Variants in ABCC11 observed in about 807,000 individuals in gnomAD.
ABCC11 encodes ATP-binding cassette sub-family C member 11.
ABCC11 carries 135 observed loss-of-function variants against 149.3 expected under a neutral mutation model. That is an observed-to-expected ratio of 0.90 (90% CI 0.79 to 1.04). ABCC11 has a LOEUF of 1.04. Among genes scored for constraint, ABCC11 ranks in the 50% least tolerant of loss-of-function variants. ABCC11 has a pLI of 0.00. For synonymous variants in ABCC11, 665 were observed against 671.4 expected, an observed-to-expected ratio of 0.99 and a Z score of 0.15; for missense variants, 1,680 against 1,722.1, an observed-to-expected ratio of 0.98 and a Z score of 0.43.
At chr16:48,244,201 A>T in intron 1 of ABCC11, 1 of 512,180 alleles carries the variant, frequency 2.0e-6, no homozygotes, top group South Asian at 2.8e-5. Flanking sequence ...AGGACGCTCA[A>T]GTCTTACCGG....
intron 23 of ABCC11, among the ~76,000 whole-genome samples, chr16:48,182,735 A>G (rs1388927960): frequency 6.6e-6 from 1 of 151,040 alleles, no homozygotes; most frequent in Non-Finnish European, 1.5e-5. Flanking sequence ...GTGAGCCGAG[A>G]TCGCATCACT....
At chr16:48,193,475 G>T (rs1340586804) in intron 19 of ABCC11, among the ~76,000 whole-genome samples, 1 of 152,178 alleles carries the variant, frequency 6.6e-6, no homozygotes, top group Non-Finnish European at 1.5e-5. Context: ...ATGTGGGTGG[G>T]GAGATTAGTG....
chr16:48,233,906 C>T (rs1017476468), intron 1 of ABCC11, among the ~76,000 whole-genome samples: 5 of 152,256 alleles, frequency 3.3e-5, no homozygotes, highest in African/African-American at 1.2e-4. Context: ...TGAATCTTCA[C>T]TCATTTGCCA....
At chr16:48,216,828 A>G (rs1028925557) in intron 6 of ABCC11, among the ~76,000 whole-genome samples, 12 of 152,210 alleles carry the variant, frequency 7.9e-5, no homozygotes, top group African/African-American at 1.4e-4. Flanking sequence ...CTAACGTCAC[A>G]GCCTAAATTT....
At chr16:48,236,581 C>T (rs751142004) in intron 1 of ABCC11, among the ~76,000 whole-genome samples, 5 of 152,146 alleles carry the variant, frequency 3.3e-5, no homozygotes, top group Non-Finnish European at 5.9e-5. Context: ...ATAGTATATG[C>T]ATAACAAATA....
At position 48,167,281 on chromosome 16, in the gene ABCC11, A is replaced by G. The variant is rs369916527; in HGVS notation, c.4142T>C (p.Leu1381Pro). 2 of 813,890 alleles carry G rather than the reference A, an allele frequency of 2.5e-6. No homozygotes were observed. Among genetic ancestry groups the G allele is most frequent in the African/African-American group, 3.4e-5 (2 of 59,656 alleles). The allele number at this position is 813,890 out of a possible 1,614,324, so 50.4% of individuals were successfully genotyped here. A position where few individuals can be genotyped will look rare whatever the true frequency, so the allele number is the denominator to read the frequency against. ...TGAAGTCTCCACATCTCCTTATCTC[A>G]GTGAAGAAGTGGCTGTGGCCATGAG... ...AALMATATSS[L>P]R Residue 1381 changes from leucine (L) to proline (P), a missense_variant, in exon 30 of 30, where the codon CTG (leucine) becomes CCG (proline). Coordinates refer to ENST00000356608, the MANE Select transcript of ABCC11 (RefSeq NM_001370497.1).
intron 12 of ABCC11, 58 bp from the exon 13 acceptor site, chr16:48,205,595 G>A (rs1404583632): frequency 6.3e-7 from 1 of 1,588,994 alleles, no homozygotes; most frequent in African/African-American, 1.3e-5. Flanking sequence ...GAGCCTGCCT[G>A]GCTCAGCAGG....
chr16:48,179,604 G>T (rs1167853369), intron 23 of ABCC11, among the ~76,000 whole-genome samples: 1 of 152,194 alleles, frequency 6.6e-6, no homozygotes, highest in East Asian at 1.9e-4. Flanking sequence ...GCAGATGTAG[G>T]CCTGCCCTCG....
chr16:48,228,343 C>T (rs1471318518), intron 3 of ABCC11, among the ~76,000 whole-genome samples: 2 of 151,956 alleles, frequency 1.3e-5, no homozygotes, highest in Non-Finnish European at 2.9e-5. Flanking sequence ...CCTATAATCC[C>T]AGCACTTTGG....
At position 48,222,735 on chromosome 16, in the gene ABCC11, A is replaced by G. The variant is rs947883659; in HGVS notation, c.640T>C (p.Cys214Arg). The G allele has an allele frequency of 6.2e-7, 1 of 1,614,270 alleles. No individual in the cohort carries two copies. Among genetic ancestry groups the G allele is most frequent in the Non-Finnish European group, 8.5e-7 (1 of 1,180,044 alleles). Residue 214 changes from cysteine to arginine, a missense_variant, in exon 6 of 30, where the codon TGT (cysteine) becomes CGT (arginine). Physicochemically the swap from Cys to Arg is radical, Grantham distance 180. Coordinates refer to ENST00000356608, the MANE Select transcript of ABCC11 (RefSeq NM_001370497.1). ...GLCFALFLSE[C>R]VKSLSFSSSW... ...GAGGAGAAACTCAGAGACTTCACAC[A>G]TTCGGAGAGAAAAAGGGCAAAGCAG...
At chr16:48,189,448 G>C (rs1361918621) in intron 20 of ABCC11, among the ~76,000 whole-genome samples, 1 of 152,130 alleles carries the variant, frequency 6.6e-6, no homozygotes, top group Non-Finnish European at 1.5e-5. Context: ...TTTCTGTTGT[G>C]CTTGCAGTTG....
At chr16:48,243,101 G>GT (rs1971075445) in intron 1 of ABCC11, among the ~76,000 whole-genome samples, 1 of 147,998 alleles carries the variant, frequency 6.8e-6, no homozygotes, top group African/African-American at 2.5e-5. Context: ...TATCAAGGTT[G>GT]TAAAAAAAAA....
chr16:48,175,258 C>A lies in ABCC11; in HGVS notation c.3698G>T (p.Arg1233Ile). 1 of 1,608,544 alleles carries A rather than the reference C, an allele frequency of 6.2e-7. No homozygotes were observed. The highest frequency in any genetic ancestry group is 1.1e-5 in the South Asian group (1 of 90,938). ...GGCTGCCTGCTGGCCCGGCACTCACCTGATGGTTCCTGAGAGCAGCACTGG... is the reference window on the plus strand; with the variant it reads ...GGCTGCCTGCTGGCCCGGCACTCACATGATGGTTCCTGAGAGCAGCACTGG... ...QDPVLLSGTI[R>I]FNLDPFDRHT... is the part of the protein sequence containing the mutation. Residue 1233 changes from arginine (R) to isoleucine (I), a missense_variant and splice_region_variant, in exon 26 of 30, where the codon AGA becomes ATA. Coordinates refer to ENST00000356608, the MANE Select transcript of ABCC11 (RefSeq NM_001370497.1).
At chr16:48,227,724 C>A in intron 4 of ABCC11, 82 bp downstream of exon 4, 1 of 1,588,886 alleles carries the variant, frequency 6.3e-7, no homozygotes, top group South Asian at 1.1e-5. Context: ...CCCCTCCCTA[C>A]CACCCTTAGG....
chr16:48,231,106 T>C (rs1596846475), intron 2 of ABCC11, among the ~76,000 whole-genome samples: 1 of 151,596 alleles, frequency 6.6e-6, no homozygotes, highest in Non-Finnish European at 1.5e-5. Context: ...GTAGGAAGGG[T>C]TGGGGAATGA....
At chr16:48,230,675 T>C (rs1970368672) in intron 2 of ABCC11, 102 bp from the exon 3 acceptor site, 2 of 1,266,606 alleles carry the variant, frequency 1.6e-6, no homozygotes, top group Non-Finnish European at 2.1e-6. Flanking sequence ...TTTTTCCATA[T>C]CCTGCTTCCT....
downstream of ABCC11, chr16:48,165,112 T>C (rs1227991720): frequency 1.3e-5 from 2 of 151,950 alleles, no homozygotes; most frequent in Non-Finnish European, 2.9e-5. Context: ...GGCCAGTGTG[T>C]AGAGAGCTCC....
At chr16:48,189,920 AC>A (rs1440486305) in intron 20 of ABCC11, among the ~76,000 whole-genome samples, 2 of 151,682 alleles carry the variant, frequency 1.3e-5, no homozygotes, top group Admixed American at 1.3e-4. Context: ...CCAAGTCAAA[AC>A]CCCCACTCCC....
rs370286389 is a variant in ABCC11, at chr16:48,170,842, T to C, written c.3777+47A>G. On this transcript the variant is annotated intron_variant, in intron 27 of 29. Transcript: ENST00000356608. ...GGAGCCCCAAAGGGGCAGCCCCCCA[T>C]GGGCGATGCAGACTTAGACCAAGAC... The C allele has an allele frequency of 2.3e-4, 361 of 1,541,256 alleles. 1 individual carries two copies. Among genetic ancestry groups the C allele is most frequent in the Admixed American group, 6.1e-4 (36 of 59,468 alleles).
Sources: allele counts gnomAD v4.1 joint callset (sites outside exome capture counted in the v4.1 genomes callset), GRCh38; gene constraint gnomAD v4.1.1; transcripts MANE v1.5; gene names NCBI Gene and HGNC (gene_info 2026-07-23, HGNC 2026-07-21).